The following SNX29 variants were observed in gnomAD, a reference collection of about 807,000 sequenced individuals.
The protein encoded by SNX29 is sorting nexin-29.
A neutral mutation model predicts 102.1 loss-of-function variants in SNX29; 78 were observed. The observed-to-expected ratio is 0.76, with a 90% CI of 0.64 to 0.92. The LOEUF is 0.92. Ranked by LOEUF, SNX29 falls within the 40% of genes least tolerant of loss-of-function variation. SNX29 has a pLI of 0.00. For missense variants in SNX29, 1,280 were observed against 1,061.7 expected (o/e 1.21, Z -2.86); for synonymous variants, 580 against 414.5 (o/e 1.40, Z -4.85).
intron 11 of SNX29, among the ~76,000 whole-genome samples, chr16:12,100,767 CTGAG>C (rs372025347): frequency 1.1e-4 from 17 of 151,696 alleles, no homozygotes; most frequent in African/African-American, 4.1e-4. Context: ...AGCTTTCACC[CTGAG>C]TGAGTAGGGG....
intron 19 of SNX29, among the ~76,000 whole-genome samples, chr16:12,515,808 C>T (rs1002148707): frequency 6.6e-6 from 1 of 152,124 alleles, no homozygotes; most frequent in Non-Finnish European, 1.5e-5. Flanking sequence ...CAGATAGTCA[C>T]TGAGTGAACC....
chr16:12,225,261 A>G (rs945128800), intron 14 of SNX29, among the ~76,000 whole-genome samples: 2 of 152,188 alleles, frequency 1.3e-5, no homozygotes, highest in East Asian at 3.9e-4. Context: ...TAGGTGTATC[A>G]TAAACTTTGT....
chr16:12,107,784 A>T (rs72784657), intron 11 of SNX29, among the ~76,000 whole-genome samples: 1,717 of 152,206 alleles, frequency 0.011, 23 homozygotes, highest in Non-Finnish European at 0.017. Context: ...TCATTCTCAG[A>T]CATCCTCCCC....
chr16:12,550,946 CAT>C (rs1044213863), intron 20 of SNX29, among the ~76,000 whole-genome samples: 12 of 152,124 alleles, frequency 7.9e-5, no homozygotes, highest in African/African-American at 1.9e-4. Context: ...TTAGTTGAAT[CAT>C]AAAGGTAGAA....
intron 8 of SNX29, among the ~76,000 whole-genome samples, chr16:12,058,758 T>C (rs1412439108): frequency 6.7e-6 from 1 of 150,158 alleles, no homozygotes; most frequent in Non-Finnish European, 1.5e-5. Flanking sequence ...CCTCCCAAAG[T>C]GTTGGGATTA....
chr16:12,156,930 G>A (rs1023833457), intron 13 of SNX29, among the ~76,000 whole-genome samples: 8 of 152,180 alleles, frequency 5.3e-5, no homozygotes, highest in Non-Finnish European at 8.8e-5. Context: ...CCTGCCGGGT[G>A]GCTGGGCAGG....
chr16:12,564,406 A>G (rs1038302540), intron 20 of SNX29, among the ~76,000 whole-genome samples: 4 of 151,646 alleles, frequency 2.6e-5, no homozygotes, highest in Admixed American at 2.0e-4. Flanking sequence ...TGCATCAATG[A>G]TGTATGATTG....
At chr16:12,566,505 G>A (rs2079015995) in intron 20 of SNX29, among the ~76,000 whole-genome samples, 1 of 152,200 alleles carries the variant, frequency 6.6e-6, no homozygotes, top group African/African-American at 2.4e-5. Flanking sequence ...CAGGCTAAGT[G>A]GCTGCTCAGA....
chr16:12,144,726 G>A (rs925858940), intron 13 of SNX29, among the ~76,000 whole-genome samples: 10 of 152,180 alleles, frequency 6.6e-5, no homozygotes, highest in Admixed American at 5.2e-4. Context: ...TGCTTTGTGG[G>A]TATTTATTTT....
chr16:12,027,075 G>C (rs1412227313), intron 3 of SNX29, among the ~76,000 whole-genome samples: 1 of 152,120 alleles, frequency 6.6e-6, no homozygotes, highest in African/African-American at 2.4e-5. Context: ...AATTGTTACT[G>C]TGCCAGTCTG....
intron 16 of SNX29, among the ~76,000 whole-genome samples, chr16:12,364,631 T>G (rs1229876098): frequency 6.6e-6 from 1 of 152,136 alleles, no homozygotes; most frequent in Non-Finnish European, 1.5e-5. Context: ...CACAGCGCGG[T>G]GAAAGCTAAA....
intron 20 of SNX29, among the ~76,000 whole-genome samples, chr16:12,531,105 C>T (rs77285749): frequency 1.3e-5 from 2 of 152,190 alleles, no homozygotes; most frequent in African/African-American, 4.8e-5. Context: ...TTCCTGACAT[C>T]ACTAAAGCCC....
chr16:12,260,185 A>G (rs928675785), intron 14 of SNX29, among the ~76,000 whole-genome samples: 14 of 152,298 alleles, frequency 9.2e-5, no homozygotes, highest in Admixed American at 2.0e-4. Context: ...TCCCCTTGAA[A>G]CATGAGACTT....
At chr16:12,369,661 A>T (rs1208288916) in intron 16 of SNX29, among the ~76,000 whole-genome samples, 1 of 152,184 alleles carries the variant, frequency 6.6e-6, no homozygotes, top group Non-Finnish European at 1.5e-5. Flanking sequence ...CTCACTGGCT[A>T]TGACGCATCC....
intron 11 of SNX29, among the ~76,000 whole-genome samples, chr16:12,120,974 GTGGTTGACGTTTC>G (rs992923731): frequency 6.6e-6 from 1 of 152,226 alleles, no homozygotes; most frequent in Non-Finnish European, 1.5e-5. Flanking sequence ...TATGATTAAC[GTGGTTGACGTTTC>G]TGTCCAGCTC....
chr16:12,500,962 T>C (rs1352414742), intron 19 of SNX29, among the ~76,000 whole-genome samples: 1 of 152,196 alleles, frequency 6.6e-6, no homozygotes, highest in African/African-American at 2.4e-5. Flanking sequence ...GCCACGCCTG[T>C]CATGGGCAGA....
intron 18 of SNX29, among the ~76,000 whole-genome samples, chr16:12,420,718 C>G (rs11644239): frequency 0.035 from 5,388 of 152,192 alleles, 161 homozygotes; most frequent in South Asian, 0.063. Flanking sequence ...TAGGACTGGC[C>G]CCTACTGAGT....
intron 1 of SNX29, among the ~76,000 whole-genome samples, chr16:11,984,545 C>T (rs1463078129): frequency 6.6e-6 from 1 of 152,130 alleles, no homozygotes; most frequent in Non-Finnish European, 1.5e-5. Flanking sequence ...CATCATTCAT[C>T]ATTTTGCATG....
intron 3 of SNX29, among the ~76,000 whole-genome samples, chr16:12,015,590 C>T (rs1293850227): frequency 1.3e-5 from 2 of 149,710 alleles, no homozygotes; most frequent in East Asian, 3.9e-4. Flanking sequence ...GGCTGGAGTG[C>T]AGTGATGCGA....
Sources: gnomAD v4.1 joint callset for allele counts (sites outside exome capture counted in the v4.1 genomes callset) on GRCh38, gnomAD v4.1.1 for gene constraint, MANE v1.5 for transcripts, NCBI Gene and HGNC (gene_info 2026-07-23, HGNC 2026-07-21) for gene names.